CELSR1: variants seen among roughly 807,000 people sequenced by gnomAD.
CELSR1 encodes adhesion G protein-coupled receptor C1.
In CELSR1, 110 loss-of-function variants were observed where a neutral mutation model predicts 249.1. That is an observed-to-expected ratio of 0.44 (90% CI 0.38 to 0.52). The LOEUF (loss-of-function observed/expected upper bound fraction) is 0.52. CELSR1 is among the 20% of genes least tolerant of loss of function. The pLI is 0.00. For missense variants in CELSR1, 4,109 were observed against 4,296.4 expected, an observed-to-expected ratio of 0.96 and a Z score of 1.22; for synonymous variants, 2,113 against 1,900.0, an observed-to-expected ratio of 1.11 and a Z score of -2.92.
intron 5 of CELSR1, among the ~76,000 whole-genome samples, chr22:46,421,905 C>G (rs1034630189): frequency 6.6e-6 from 1 of 152,214 alleles, no homozygotes; most frequent in Non-Finnish European, 1.5e-5. Flanking sequence ...TGGGGAGCAT[C>G]CCCATCCCCT....
chr22:46,420,912 G>C (rs1395983468), intron 5 of CELSR1, among the ~76,000 whole-genome samples: 1 of 152,164 alleles, frequency 6.6e-6, no homozygotes, highest in Non-Finnish European at 1.5e-5. Flanking sequence ...ATAAGACAGG[G>C]AGAAGGTGGG....
At chr22:46,439,015 C>T (rs2079702443) in intron 3 of CELSR1, among the ~76,000 whole-genome samples, 174 bp downstream of exon 3, 1 of 152,212 alleles carries the variant, frequency 6.6e-6, no homozygotes, top group South Asian at 2.1e-4. Flanking sequence ...GCCTCGGCCT[C>T]CCAAAGTGCT....
intron 5 of CELSR1, among the ~76,000 whole-genome samples, chr22:46,425,458 C>G (rs764187132): frequency 2.0e-5 from 3 of 152,182 alleles, no homozygotes; most frequent in Non-Finnish European, 2.9e-5. Context: ...TCTATTTCCT[C>G]AATAGTGTAT....
intron 1 of CELSR1, among the ~76,000 whole-genome samples, chr22:46,525,992 C>G (rs1458996464): frequency 6.6e-6 from 1 of 152,264 alleles, no homozygotes. Flanking sequence ...CACCTGCCTG[C>G]TACTTCACCT....
chr22:46,413,445 A>G lies in CELSR1; in HGVS notation c.4612-1686T>C, dbSNP rs76329074. On this transcript the variant is annotated intron_variant, in intron 5 of 34. Coordinates refer to ENST00000674500, the MANE Select transcript of CELSR1 (RefSeq NM_001378328.1). The surrounding 1 kb of genome is among the most constrained non-coding windows in gnomAD (Gnocchi z 4.7). The stretch of plus-strand genomic sequence containing the variant: ...CCCTCTTATCCAATCATCTAACGTG[A>G]GTGAGACCCATGACTGTACCTCAAT... 0.056 allele frequency among the ~76,000 whole-genome samples: 8,453 copies of G among 152,220 alleles called. 717 individuals are homozygous for G. Among genetic ancestry groups the G allele is most frequent in the African/African-American group, 0.18 (7,653 of 41,486 alleles).
intron 1 of CELSR1, among the ~76,000 whole-genome samples, chr22:46,501,458 G>A (rs558593779): frequency 6.6e-6 from 1 of 152,052 alleles, no homozygotes; most frequent in South Asian, 2.1e-4. Context: ...CACCCGCCTC[G>A]ACCTCCCAGA....
At position 46,535,813 on chromosome 22, in the gene CELSR1, T is replaced by G; in HGVS notation, c.1358A>C (p.Asn453Thr). Residue 453 changes from asparagine to threonine, a missense_variant, in exon 1 of 35, where the codon AAC becomes ACC. Coordinates refer to ENST00000674500, the MANE Select transcript of CELSR1 (RefSeq NM_001378328.1). ...ATVYIEVEDE[N>T]DNYPQFSEQN... ...CTCGCTGAACTGGGGGTAGTTGTCG[T>G]TCTCGTCCTCCACCTCGATGTACAC... 1.2e-6 allele frequency: 2 copies of G among 1,610,594 alleles called. No homozygotes were observed. Among genetic ancestry groups the G allele is most frequent in the Non-Finnish European group, 1.7e-6 (2 of 1,179,380 alleles).
At chr22:46,456,332 A>G (rs911444519) in intron 2 of CELSR1, among the ~76,000 whole-genome samples, 1 of 152,224 alleles carries the variant, frequency 6.6e-6, no homozygotes, top group Admixed American at 6.5e-5. Flanking sequence ...TCAGCAGATC[A>G]CATGAAGATG....
rs61028108 is a variant in CELSR1, at chr22:46,426,406, G to A, written c.4611+6987C>T. ...GAGGCTGCGAGTCCAAAATCAAGGT[G>A]CTGGTAGATTGAACGTCTGGCAAGG... is the stretch of plus-strand genomic sequence containing the variant. On this transcript the variant is annotated intron_variant, in intron 5 of 34. Coordinates refer to ENST00000674500, the MANE Select transcript of CELSR1 (RefSeq NM_001378328.1). Among the ~76,000 whole-genome samples the A allele has an allele frequency of 9.2e-4, 140 of 152,228 alleles. 1 individual carries two copies. The highest frequency in any genetic ancestry group is 3.3e-3 in the African/African-American group (136 of 41,524).
At chr22:46,382,110 C>T (rs1037579753) in intron 20 of CELSR1, 60 bp from the exon 21 acceptor site, 93 of 1,414,212 alleles carry the variant, frequency 6.6e-5, no homozygotes, top group South Asian at 2.0e-4. Flanking sequence ...CCAAGACTGC[C>T]GTCAGTGCCA....
intron 1 of CELSR1, among the ~76,000 whole-genome samples, chr22:46,489,597 C>T (rs554498521): frequency 6.6e-6 from 1 of 152,094 alleles, no homozygotes; most frequent in Admixed American, 6.5e-5. Flanking sequence ...CTCCTGGGGG[C>T]AGCTCAGACT....
rs199740649 is a variant in CELSR1 at position 46,409,922 on chromosome 22, C to T, written c.4934-42G>A. ...TGCGGCAGAGCCTGACTCGGAGGAACCGCCCGGGGTCCCCGGCGCCAGACG... is the reference window on the plus strand; with the variant it reads ...TGCGGCAGAGCCTGACTCGGAGGAATCGCCCGGGGTCCCCGGCGCCAGACG... On this transcript the variant is annotated intron_variant, in intron 7 of 34. Coordinates refer to ENST00000674500, the MANE Select transcript of CELSR1 (RefSeq NM_001378328.1). The surrounding 1 kb of genome is among the most constrained non-coding windows in gnomAD (Gnocchi z 9.8). 1.5e-3 allele frequency: 2,410 copies of T among 1,604,972 alleles called. 3 individuals carry two copies. The highest frequency in any genetic ancestry group is 1.9e-3 in the Non-Finnish European group (2,230 of 1,179,078).
At chr22:46,502,957 C>T (rs571193581) in intron 1 of CELSR1, among the ~76,000 whole-genome samples, 4 of 152,280 alleles carry the variant, frequency 2.6e-5, no homozygotes, top group East Asian at 1.9e-4. Context: ...AGCAGGTCCC[C>T]GCAGGCCACG....
chr22:46,436,424 T>A lies in CELSR1; in HGVS notation c.4407-135A>T, dbSNP rs73890427. ...AGGAAAGAATGGTGTCAGGCATGCG[T>A]CCTTCTCATAGGAGCAGACAGCCCA... On this transcript the variant is annotated intron_variant, in intron 3 of 34. Transcript: ENST00000674500. This position sits in a 1 kb window ranked among gnomAD's most constrained non-coding sequence, Gnocchi z 5.9. 912 of 625,800 alleles carry A rather than the reference T, an allele frequency of 1.5e-3. 6 individuals carry two copies. The African/African-American group carries it at 0.015, about 10-fold the overall frequency. The allele number at this position is 625,800 out of a possible 1,614,324, so 38.8% of individuals were successfully genotyped here. A position where few individuals can be genotyped will look rare whatever the true frequency, so the allele number is the denominator to read the frequency against.
intron 1 of CELSR1, among the ~76,000 whole-genome samples, chr22:46,516,030 A>AT (rs2080623971): frequency 6.6e-6 from 1 of 152,212 alleles, no homozygotes; most frequent in African/African-American, 2.4e-5. Context: ...TAGTTGAACC[A>AT]TTGTGGAAGA....
At chr22:46,444,110 A>G (rs2079788948) in intron 2 of CELSR1, among the ~76,000 whole-genome samples, 1 of 152,176 alleles carries the variant, frequency 6.6e-6, no homozygotes. Context: ...CTCCCAGAGG[A>G]AAGTGAGGCC....
intron 1 of CELSR1, among the ~76,000 whole-genome samples, chr22:46,519,585 C>T (rs564938627): frequency 1.1e-4 from 16 of 152,330 alleles, no homozygotes; most frequent in South Asian, 6.2e-4. Context: ...TCTGAATGCC[C>T]AGCTGGTCTC....
At position 46,364,064 on chromosome 22, in the gene CELSR1, A is replaced by C. The variant is rs2078736695; in HGVS notation, c.8967T>G (p.Arg2989=). The C allele has an allele frequency of 1.9e-6, 3 of 1,612,100 alleles. No homozygotes were observed. In the Admixed American group the frequency reaches 5.0e-5, roughly 27 times the overall value. ...TCATGGCCACCCCGTTGAGGTGGTC[A>C]CGCCCCGGCTCCCTCCCAGGGCTCT... ...TVKSPGREPG[R]DHLNGVAMNV... The change falls in exon 34 of 35, where the codon CGT becomes CGG. Residue 2989 remains arginine, a synonymous_variant. Coordinates refer to ENST00000674500, the MANE Select transcript of CELSR1 (RefSeq NM_001378328.1).
At position 46,454,092 on chromosome 22, in the gene CELSR1, G is replaced by A. The variant is rs893861475; in HGVS notation, c.4183+9615C>T. ...GTCATCACAAGGCTCCTTGTAAGCG[G>A]TGGGAGGGTGAGGGGCAGAAGGTGC... On this transcript the variant is annotated intron_variant, in intron 2 of 34. Coordinates refer to ENST00000674500, the MANE Select transcript of CELSR1 (RefSeq NM_001378328.1). The surrounding 1 kb of genome is among the most constrained non-coding windows in gnomAD (Gnocchi z 5.1). Among the ~76,000 whole-genome samples, 1 of 152,208 alleles carries A rather than the reference G, an allele frequency of 6.6e-6. No individual in the cohort carries two copies. Among genetic ancestry groups the A allele is most frequent in the African/African-American group, 2.4e-5 (1 of 41,450 alleles).
Sources: allele counts gnomAD v4.1 joint callset (sites outside exome capture counted in the v4.1 genomes callset), GRCh38; gene constraint gnomAD v4.1.1; non-coding constraint Gnocchi (gnomAD v3.1); transcripts MANE v1.5; gene names NCBI Gene and HGNC (gene_info 2026-07-23, HGNC 2026-07-21).